Variants in TMPRSS15 observed in about 807,000 individuals in gnomAD.
TMPRSS15 encodes transmembrane serine protease 15.
A neutral mutation model predicts 125.3 loss-of-function variants in TMPRSS15; 128 were observed. The ratio of observed to expected loss-of-function variants is 1.02; its 90% confidence interval spans 0.89 to 1.18. TMPRSS15 has a LOEUF of 1.18. TMPRSS15 is among the 50% of genes most tolerant of loss of function. The probability of loss-of-function intolerance (pLI) is 0.00; values close to 1 mark genes in which losing one functional copy is unlikely to be tolerated. For missense variants in TMPRSS15, 1,283 were observed against 1,212.7 expected (o/e 1.06, Z -0.86); for synonymous variants, 446 against 423.2 (o/e 1.05, Z -0.66).
chr21:18,408,780 A>G (rs967673946), upstream of TMPRSS15, among the ~76,000 whole-genome samples: 12 of 152,112 alleles, frequency 7.9e-5, no homozygotes, highest in African/African-American at 2.7e-4. Context: ...GAGGATTCTT[A>G]AGTACTGCAA....
chr21:18,272,463 C>A (rs1330053626), intron 24 of TMPRSS15, among the ~76,000 whole-genome samples: 1 of 152,048 alleles, frequency 6.6e-6, no homozygotes, highest in Non-Finnish European at 1.5e-5. Context: ...GTGGCTCACA[C>A]CTGTGATCAC....
intron 10 of TMPRSS15, among the ~76,000 whole-genome samples, chr21:18,351,838 T>C (rs1203278692): frequency 1.3e-5 from 2 of 152,044 alleles, no homozygotes; most frequent in Non-Finnish European, 2.9e-5. Flanking sequence ...TGCTATATAA[T>C]AGGAAAAATG....
chr21:18,407,312 A>C (rs889754422), upstream of TMPRSS15, among the ~76,000 whole-genome samples: 4 of 152,194 alleles, frequency 2.6e-5, no homozygotes, highest in African/African-American at 7.2e-5. Context: ...CATTTTTAAA[A>C]AAATAGATCA....
chr21:18,293,928 T>C (rs1021466119), intron 21 of TMPRSS15, among the ~76,000 whole-genome samples: 4 of 152,216 alleles, frequency 2.6e-5, no homozygotes, highest in African/African-American at 7.2e-5. Context: ...TGGTAACCAG[T>C]ACAATTTATA....
chr21:18,374,875 G>A (rs1335625812), intron 5 of TMPRSS15, among the ~76,000 whole-genome samples: 3 of 152,110 alleles, frequency 2.0e-5, no homozygotes, highest in African/African-American at 4.8e-5. Flanking sequence ...CAGTGACTAC[G>A]TTTGCTTCTG....
At chr21:18,352,608 A>C (rs572176298) in intron 10 of TMPRSS15, among the ~76,000 whole-genome samples, 74 of 152,128 alleles carry the variant, frequency 4.9e-4, no homozygotes, top group African/African-American at 1.7e-3. Context: ...AAATCTACTT[A>C]GTTAATAATA....
At chr21:18,462,287 G>A (rs1452719919) in intron 1 of TMPRSS15, among the ~76,000 whole-genome samples, 2 of 151,914 alleles carry the variant, frequency 1.3e-5, no homozygotes, top group Non-Finnish European at 1.5e-5. Flanking sequence ...AACACAATGT[G>A]GTAAATTATA....
At chr21:18,437,611 A>G (rs1303151357) in intron 1 of TMPRSS15, among the ~76,000 whole-genome samples, 1 of 152,190 alleles carries the variant, frequency 6.6e-6, no homozygotes, top group East Asian at 1.9e-4. Context: ...TCTACAATGA[A>G]CTCAAACAAA....
chr21:18,404,736 G>A (rs1569061183), upstream of TMPRSS15, among the ~76,000 whole-genome samples: 1 of 151,956 alleles, frequency 6.6e-6, no homozygotes. Flanking sequence ...CTGAAATTGT[G>A]GCATATTATA....
chr21:18,452,161 C>T lies in TMPRSS15; in HGVS notation c.10+33638G>A, dbSNP rs2824839. On this transcript the variant is annotated intron_variant, in intron 1 of 7. Coordinates refer to the TMPRSS15 transcript ENST00000422787. ...GCTTATGTTTATGTGATGGCACCTG[C>T]GAGTACATAGAGGTTGGATATGTTA... is the stretch of plus-strand genomic sequence containing the variant. Among the ~76,000 whole-genome samples, 443 of 151,838 alleles carry T rather than the reference C, an allele frequency of 2.9e-3. 3 individuals carry two copies. The highest frequency in any genetic ancestry group is 0.01 in the African/African-American group (421 of 41,398).
chr21:18,418,528 G>C (rs1382392374), intron 1 of TMPRSS15, among the ~76,000 whole-genome samples: 1 of 152,102 alleles, frequency 6.6e-6, no homozygotes, highest in Non-Finnish European at 1.5e-5. Flanking sequence ...TGCCCTTAGG[G>C]ATTGATCTAT....
intron 21 of TMPRSS15, among the ~76,000 whole-genome samples, chr21:18,290,940 T>C (rs2074826486): frequency 6.6e-6 from 1 of 152,214 alleles, no homozygotes. Flanking sequence ...CTCTGCACTA[T>C]TTTTGCAATT....
chr21:18,402,776 G>A (rs1341149584), intron 1 of TMPRSS15, among the ~76,000 whole-genome samples: 2 of 152,130 alleles, frequency 1.3e-5, no homozygotes, highest in East Asian at 1.9e-4. Context: ...ACTTAAGCAA[G>A]TTACTTCTAG....
At chr21:18,471,265 G>T (rs757997312) in intron 1 of TMPRSS15, among the ~76,000 whole-genome samples, 9 of 152,148 alleles carry the variant, frequency 5.9e-5, no homozygotes, top group African/African-American at 1.7e-4. Context: ...TCATATCTAT[G>T]ATTTTTTCTA....
chr21:18,324,692 C>T (rs1031120904), intron 16 of TMPRSS15, among the ~76,000 whole-genome samples: 1 of 152,060 alleles, frequency 6.6e-6, no homozygotes, highest in Non-Finnish European at 1.5e-5. Flanking sequence ...CTAAAGTTTG[C>T]TATTAACTAA....
At chr21:18,388,915 A>T (rs1458116281) in intron 3 of TMPRSS15, among the ~76,000 whole-genome samples, 1 of 152,130 alleles carries the variant, frequency 6.6e-6, no homozygotes, top group Non-Finnish European at 1.5e-5. Flanking sequence ...CCAATGAAAG[A>T]GGCTAAGAGA....
intron 1 of TMPRSS15, among the ~76,000 whole-genome samples, chr21:18,435,572 G>C (rs2076225988): frequency 6.6e-6 from 1 of 152,172 alleles, no homozygotes; most frequent in Admixed American, 6.5e-5. Context: ...TGTTCATCAA[G>C]GATATTGGTC....
intron 1 of TMPRSS15, among the ~76,000 whole-genome samples, chr21:18,421,984 CT>C (rs569146471): frequency 0.025 from 3,362 of 135,062 alleles, 42 homozygotes; most frequent in Admixed American, 0.038. Context: ...AAGTATTACT[CT>C]TTTTTTTTTT....
upstream of TMPRSS15, among the ~76,000 whole-genome samples, chr21:18,406,423 C>A (rs1252586227): frequency 6.6e-6 from 1 of 152,042 alleles, no homozygotes; most frequent in African/African-American, 2.4e-5. Context: ...AGAATCCTTA[C>A]AATAGCTGCT....
Sources: allele counts gnomAD v4.1 joint callset (sites outside exome capture counted in the v4.1 genomes callset), GRCh38; gene constraint gnomAD v4.1.1; transcripts MANE v1.5; gene names NCBI Gene and HGNC (gene_info 2026-07-23, HGNC 2026-07-21).